Variants in GUCY1A2 observed in about 807,000 individuals in gnomAD.
GUCY1A2 encodes guanylate cyclase 1 soluble subunit alpha 2.
In GUCY1A2, 27 loss-of-function variants were observed where a neutral mutation model predicts 63.5. The observed-to-expected ratio is 0.43, with a 90% confidence interval of 0.31 to 0.59. GUCY1A2 has a LOEUF of 0.59. Among genes scored for constraint, GUCY1A2 ranks in the 20% least tolerant of loss-of-function variants. GUCY1A2 has a pLI of 0.11. For missense variants in GUCY1A2, 768 were observed against 913.3 expected, an observed-to-expected ratio of 0.84 and a Z score of 2.05; for synonymous variants, 364 against 343.5, an observed-to-expected ratio of 1.06 and a Z score of -0.66.
chr11:106,904,899 TGACTC>T (rs1860183574), intron 4 of GUCY1A2, among the ~76,000 whole-genome samples: 1 of 152,026 alleles, frequency 6.6e-6, no homozygotes, highest in Non-Finnish European at 1.5e-5. Flanking sequence ...ACTCTTGAAA[TGACTC>T]CTGCTCTGAA....
intron 4 of GUCY1A2, among the ~76,000 whole-genome samples, chr11:106,894,422 T>C (rs958847258): frequency 2.0e-5 from 3 of 152,112 alleles, no homozygotes; most frequent in African/African-American, 7.2e-5. Flanking sequence ...AAGAATACAG[T>C]TGAATTCAAC....
chr11:106,963,471 G>C (rs1861086082), intron 3 of GUCY1A2, among the ~76,000 whole-genome samples: 1 of 152,120 alleles, frequency 6.6e-6, no homozygotes, highest in Non-Finnish European at 1.5e-5. Context: ...CTGTGTAGAA[G>C]AAAGAAATGA....
intron 6 of GUCY1A2, among the ~76,000 whole-genome samples, chr11:106,759,753 G>A (rs978002016): frequency 6.6e-6 from 1 of 152,164 alleles, no homozygotes; most frequent in Non-Finnish European, 1.5e-5. Context: ...GCCCAACGTG[G>A]CGAAACCCTG....
chr11:106,686,498 A>G lies in GUCY1A2; in HGVS notation c.*1051T>C, dbSNP rs569994851. On this transcript the variant is annotated 3_prime_UTR_variant, in exon 8 of 8. Transcript: ENST00000526355. ...ACACTTCTTTGTCACTAATGCCAGT[A>G]TCCAGGAATTTGTTCTCAAGAATAG... The G allele has an allele frequency of 2.3e-5, 5 of 216,272 alleles. No homozygotes were observed. The South Asian group carries it at 7.4e-4, about 32-fold the overall frequency. The allele number at this position is 216,272 out of a possible 1,614,324, so 13.4% of individuals were successfully genotyped here. A position where few individuals can be genotyped will look rare whatever the true frequency, so the allele number is the denominator to read the frequency against.
At chr11:106,711,544 T>C (rs1267980269) in intron 6 of GUCY1A2, among the ~76,000 whole-genome samples, 1 of 152,168 alleles carries the variant, frequency 6.6e-6, no homozygotes, top group African/African-American at 2.4e-5. Context: ...GTCCTTTTCA[T>C]TGGTCCTTCT....
chr11:106,924,759 C>T (rs1250121784), intron 4 of GUCY1A2, among the ~76,000 whole-genome samples: 1 of 152,108 alleles, frequency 6.6e-6, no homozygotes, highest in Non-Finnish European at 1.5e-5. Flanking sequence ...AATCCCAGCA[C>T]TTTGGGAGGT....
rs896314183 is a variant in GUCY1A2, at chr11:106,678,340, G to T, written c.*9209C>A. The T allele has an allele frequency of 4.8e-6, 1 of 208,470 alleles. No individual in the cohort carries two copies. The highest frequency in any genetic ancestry group is 9.8e-6 in the Non-Finnish European group (1 of 102,470). 12.9% of individuals were successfully genotyped at this position (208,470 alleles called of 1,614,324 possible). Reference sequence around the variant, plus strand: ...TTTACCAAAAAAATTCAGAAGGAGGGTTTCACATTATTGATAAATCAACTA... The same window carrying T: ...TTTACCAAAAAAATTCAGAAGGAGGTTTTCACATTATTGATAAATCAACTA... On this transcript the variant is annotated 3_prime_UTR_variant, in exon 8 of 8. Coordinates refer to ENST00000526355, the MANE Select transcript of GUCY1A2 (RefSeq NM_000855.3).
At chr11:106,770,044 AT>A (rs144868664) in intron 6 of GUCY1A2, among the ~76,000 whole-genome samples, 230 of 152,032 alleles carry the variant, frequency 1.5e-3, no homozygotes, top group African/African-American at 4.6e-3. Context: ...AATAAAAAAA[AT>A]ATAACAAACA....
intron 6 of GUCY1A2, among the ~76,000 whole-genome samples, chr11:106,710,221 AAT>A (rs1157835372): frequency 2.1e-5 from 1 of 47,744 alleles, no homozygotes; most frequent in African/African-American, 9.8e-5. Flanking sequence ...ACATGTATAT[AAT>A]ATAGTTATAT....
chr11:106,903,322 C>T (rs1860160371), intron 4 of GUCY1A2, among the ~76,000 whole-genome samples: 1 of 152,120 alleles, frequency 6.6e-6, no homozygotes, highest in African/African-American at 2.4e-5. Flanking sequence ...AACTGTATTG[C>T]CTCACTATCT....
chr11:106,930,212 G>A (rs185020674), intron 4 of GUCY1A2, among the ~76,000 whole-genome samples: 15 of 152,310 alleles, frequency 9.8e-5, no homozygotes, highest in Non-Finnish European at 1.5e-5. Flanking sequence ...GAACAAACAA[G>A]AGAGGCCCAC....
At chr11:106,737,301 T>C (rs946182107) in intron 6 of GUCY1A2, among the ~76,000 whole-genome samples, 22 of 152,176 alleles carry the variant, frequency 1.4e-4, no homozygotes, top group African/African-American at 5.3e-4. Flanking sequence ...CTTTAGATAG[T>C]ATATCCACTT....
intron 6 of GUCY1A2, among the ~76,000 whole-genome samples, chr11:106,739,961 G>A (rs187754366): frequency 2.9e-4 from 44 of 150,026 alleles, no homozygotes; most frequent in Non-Finnish European, 5.8e-4. Flanking sequence ...CTAGTCTGCC[G>A]TAAGTACCAC....
At chr11:106,704,712 A>T (rs1175266484) in intron 7 of GUCY1A2, among the ~76,000 whole-genome samples, 2 of 152,314 alleles carry the variant, frequency 1.3e-5, no homozygotes, top group Non-Finnish European at 2.9e-5. Flanking sequence ...CTGTAGCAAG[A>T]AAAAATAATT....
At chr11:106,925,961 G>C (rs1223588362) in intron 4 of GUCY1A2, among the ~76,000 whole-genome samples, 1 of 152,158 alleles carries the variant, frequency 6.6e-6, no homozygotes, top group Non-Finnish European at 1.5e-5. Context: ...AGGGGTAAAG[G>C]AAATATAATT....
chr11:106,973,900 T>C (rs1435534140), intron 3 of GUCY1A2, among the ~76,000 whole-genome samples: 3 of 152,136 alleles, frequency 2.0e-5, no homozygotes. Flanking sequence ...AGTATGTACT[T>C]GATATAAATT....
intron 3 of GUCY1A2, among the ~76,000 whole-genome samples, chr11:106,975,878 C>T (rs1009074250): frequency 1.3e-5 from 2 of 152,116 alleles, no homozygotes; most frequent in African/African-American, 4.8e-5. Flanking sequence ...TCTCCCTCTC[C>T]TCAGGTCCTC....
At chr11:106,693,458 G>C (rs1397263686) in intron 7 of GUCY1A2, among the ~76,000 whole-genome samples, 1 of 151,916 alleles carries the variant, frequency 6.6e-6, no homozygotes, top group Non-Finnish European at 1.5e-5. Context: ...ATATGGCTAA[G>C]TGCATCTTTT....
At chr11:106,800,452 G>A (rs866776004) in intron 5 of GUCY1A2, among the ~76,000 whole-genome samples, 18 of 152,120 alleles carry the variant, frequency 1.2e-4, no homozygotes, top group East Asian at 9.7e-4. Context: ...TGTTCATTGC[G>A]GCACTATTCA....
Sources: gnomAD v4.1 joint callset for allele counts (sites outside exome capture counted in the v4.1 genomes callset) on GRCh38, gnomAD v4.1.1 for gene constraint, MANE v1.5 for transcripts, NCBI Gene and HGNC (gene_info 2026-07-23, HGNC 2026-07-21) for gene names.